Variants in CSMD2 observed in about 807,000 individuals in gnomAD.
The protein encoded by CSMD2 is CUB and Sushi multiple domains 2, also known as CUB and sushi domain-containing protein 2.
In CSMD2, 130 loss-of-function variants were observed where a neutral mutation model predicts 398.5. The ratio of observed to expected loss-of-function variants is 0.33; its 90% CI spans 0.28 to 0.38. The LOEUF (loss-of-function observed/expected upper bound fraction) is 0.38. Ranked by LOEUF, CSMD2 falls within the 10% of genes least tolerant of loss-of-function variation. The pLI, the probability that CSMD2 is intolerant of heterozygous loss-of-function variation, is 1.00. For missense variants in CSMD2, 3,829 were observed against 4,764.9 expected (o/e 0.80, Z 5.78); for synonymous variants, 1,828 against 1,908.5 (o/e 0.96, Z 1.10).
At chr1:34,135,616 CAAAAAAAAA>C (rs55936483) in intron 1 of CSMD2, among the ~76,000 whole-genome samples, 3 of 82,618 alleles carry the variant, frequency 3.6e-5, no homozygotes, top group African/African-American at 9.8e-5. Flanking sequence ...GACTCCATCT[CAAAAAAAAA>C]AAAAAAAAAA....
At chr1:33,993,262 T>C (rs1646620968) in intron 3 of CSMD2, among the ~76,000 whole-genome samples, 1 of 152,330 alleles carries the variant, frequency 6.6e-6, no homozygotes, top group East Asian at 1.9e-4. Flanking sequence ...AGTTTGTAGT[T>C]TGCATTGTCT....
intron 3 of CSMD2, among the ~76,000 whole-genome samples, chr1:33,984,432 C>T (rs1171171647): frequency 6.6e-6 from 1 of 152,198 alleles, no homozygotes; most frequent in Admixed American, 6.5e-5. Flanking sequence ...TCAGATCACA[C>T]TCAAAGCAGC....
chr1:33,900,198 T>C (rs1411269795), intron 5 of CSMD2, among the ~76,000 whole-genome samples: 1 of 152,198 alleles, frequency 6.6e-6, no homozygotes, highest in South Asian at 2.1e-4. Flanking sequence ...CTTATAACTG[T>C]ATGAAAGGCC....
chr1:33,743,502 T>G lies in CSMD2; in HGVS notation c.1951A>C (p.Arg651=), dbSNP rs779887337. 27 of 1,613,950 alleles carry G rather than the reference T, an allele frequency of 1.7e-5. No homozygotes were observed. The highest frequency in any genetic ancestry group is 2.3e-5 in the Non-Finnish European group (27 of 1,180,038). ...HLHCVWLILA[R]PESRIHLAFN... ...GCCAGGTGGATGCGGCTCTCAGGCC[T>G]GGCCAGGATGAGCCAGACACAGTGG... The change falls in exon 14 of 71, where the codon AGG becomes CGG. Residue 651 remains arginine, a synonymous_variant. Coordinates refer to ENST00000373381, the MANE Select transcript of CSMD2 (RefSeq NM_001281956.2).
intron 64 of CSMD2, among the ~76,000 whole-genome samples, chr1:33,530,452 G>A (rs1655135859): frequency 1.3e-5 from 2 of 152,146 alleles, no homozygotes; most frequent in Non-Finnish European, 2.9e-5. Flanking sequence ...AACAAGTGTT[G>A]GTAAGGAGGT....
chr1:33,525,295 A>G (rs1453231545), intron 65 of CSMD2, among the ~76,000 whole-genome samples: 1 of 152,200 alleles, frequency 6.6e-6, no homozygotes, highest in African/African-American at 2.4e-5. Context: ...TAGGGAAACA[A>G]CCCAAGTGTC....
intron 1 of CSMD2, among the ~76,000 whole-genome samples, chr1:34,103,512 A>C (rs932874899): frequency 6.6e-6 from 1 of 151,856 alleles, no homozygotes; most frequent in Non-Finnish European, 1.5e-5. Flanking sequence ...GTTAGCCAGG[A>C]TGGTCTTGAT....
At chr1:34,050,224 C>A (rs1387267211) in intron 2 of CSMD2, among the ~76,000 whole-genome samples, 1 of 152,200 alleles carries the variant, frequency 6.6e-6, no homozygotes, top group East Asian at 1.9e-4. Flanking sequence ...AAGCCAACTA[C>A]CCTGGTGGCA....
intron 10 of CSMD2, among the ~76,000 whole-genome samples, chr1:33,792,940 C>T (rs1654496281): frequency 6.6e-6 from 1 of 152,206 alleles, no homozygotes; most frequent in African/African-American, 2.4e-5. Flanking sequence ...CTCGTCTTCT[C>T]CTCTGACTGC....
chr1:33,777,081 A>G (rs1413095807), intron 12 of CSMD2, among the ~76,000 whole-genome samples: 1 of 152,014 alleles, frequency 6.6e-6, no homozygotes, highest in Non-Finnish European at 1.5e-5. Flanking sequence ...GTCAAAGGGG[A>G]AGGGGTTTAC....
chr1:33,523,031 C>T (rs943870577), intron 67 of CSMD2, among the ~76,000 whole-genome samples: 3 of 152,252 alleles, frequency 2.0e-5, no homozygotes, highest in Admixed American at 6.5e-5. Flanking sequence ...CTGCCCCCAA[C>T]CTCCATCCCT....
At chr1:33,764,948 G>C (rs930942680) in intron 13 of CSMD2, among the ~76,000 whole-genome samples, 1 of 152,208 alleles carries the variant, frequency 6.6e-6, no homozygotes, top group South Asian at 2.1e-4. Context: ...TTGAGGTCAG[G>C]GTGGGAGGAG....
intron 42 of CSMD2, 47 bp from the exon 43 acceptor site, chr1:33,602,593 C>T (rs761799543): frequency 1.4e-6 from 2 of 1,440,514 alleles, no homozygotes; most frequent in Middle Eastern, 2.2e-4. Flanking sequence ...TCGGTACCCA[C>T]CTGAGAATTC....
At chr1:33,728,552 G>T (rs1267044032) in intron 15 of CSMD2, among the ~76,000 whole-genome samples, 1 of 152,098 alleles carries the variant, frequency 6.6e-6, no homozygotes, top group Non-Finnish European at 1.5e-5. Flanking sequence ...TTATAGAGAA[G>T]AAAACTAAGG....
At chr1:33,707,669 A>ACG (rs1645832302) in intron 22 of CSMD2, among the ~76,000 whole-genome samples, 1 of 149,662 alleles carries the variant, frequency 6.7e-6, no homozygotes, top group Non-Finnish European at 1.5e-5. Context: ...CATTTCAAAC[A>ACG]CGCACGCGTG....
rs1483518587 is a variant in CSMD2, at chr1:33,866,382, T to C, written c.921-19386A>G. On this transcript the variant is annotated intron_variant, in intron 5 of 70. Coordinates refer to ENST00000373381, the MANE Select transcript of CSMD2 (RefSeq NM_001281956.2). ...TGATGAAAGTGAATGCAGAAAGTAA[T>C]GGGGGAGGGACTGGGGACCACCCAG... Among the ~76,000 whole-genome samples, 4 of 152,230 alleles carry C rather than the reference T, an allele frequency of 2.6e-5. No individual in the cohort carries two copies. In the East Asian group the frequency reaches 7.7e-4, roughly 29 times the overall value.
rs1424957431 is a variant in CSMD2, at chr1:33,911,814, C to G, written c.920+6280G>C. ...CTGCAGGTGGAGGGAGATGCCTAGG[C>G]TCAAAGGTAGATGCCAGAGCCCCGG... On this transcript the variant is annotated intron_variant, in intron 5 of 70. Coordinates refer to ENST00000373381, the MANE Select transcript of CSMD2 (RefSeq NM_001281956.2). Among the ~76,000 whole-genome samples, 4 of 152,292 alleles carry G rather than the reference C, an allele frequency of 2.6e-5. No individual in the cohort carries two copies. In the East Asian group the frequency reaches 5.8e-4, roughly 22 times the overall value.
intron 5 of CSMD2, among the ~76,000 whole-genome samples, chr1:33,899,969 C>A (rs1219444168): frequency 6.6e-6 from 1 of 152,166 alleles, no homozygotes; most frequent in East Asian, 1.9e-4. Context: ...CTGCAGAGGC[C>A]AAGACCCACA....
chr1:33,997,886 T>C (rs947201019), intron 3 of CSMD2, among the ~76,000 whole-genome samples: 2 of 152,206 alleles, frequency 1.3e-5, no homozygotes, highest in Non-Finnish European at 2.9e-5. Context: ...AAGGAATGCC[T>C]TCTTTTCTCG....
Sources: gnomAD v4.1 joint callset for allele counts (sites outside exome capture counted in the v4.1 genomes callset) on GRCh38, gnomAD v4.1.1 for gene constraint, MANE v1.5 for transcripts, NCBI Gene and HGNC (gene_info 2026-07-23, HGNC 2026-07-21) for gene names.